CLUL1: variants seen among roughly 807,000 people sequenced by gnomAD.
The protein encoded by CLUL1 is clusterin-like protein 1.
CLUL1 carries 43 observed loss-of-function variants against 49.4 expected under a neutral mutation model. That is an observed-to-expected ratio of 0.87 (90% CI 0.68 to 1.12). The LOEUF is 1.12. CLUL1 is among the 50% of genes most tolerant of loss of function. The probability of loss-of-function intolerance (pLI) is 0.00; values close to 1 mark genes in which losing one functional copy is unlikely to be tolerated. For missense variants in CLUL1, 486 were observed against 544.4 expected, an observed-to-expected ratio of 0.89 and a Z score of 1.07; for synonymous variants, 192 against 184.9, an observed-to-expected ratio of 1.04 and a Z score of -0.31.
chr18:604,583 G>A (rs2072919201), intron 1 of CLUL1, among the ~76,000 whole-genome samples: 1 of 152,080 alleles, frequency 6.6e-6, no homozygotes, highest in African/African-American at 2.4e-5. Flanking sequence ...TAACCAAATA[G>A]TATCCTTTTC....
At chr18:644,748 A>G (rs1050103741) in intron 8 of CLUL1, among the ~76,000 whole-genome samples, 162 bp from the exon 9 acceptor site, 5 of 152,242 alleles carry the variant, frequency 3.3e-5, no homozygotes, top group Non-Finnish European at 7.3e-5. Context: ...GACACATAAC[A>G]TGAACAAGAA....
chr18:608,855 A>G lies in CLUL1; in HGVS notation c.-14+1756A>G, dbSNP rs141154661. Among the ~76,000 whole-genome samples, 354 of 152,356 alleles carry G rather than the reference A, an allele frequency of 2.3e-3. 2 individuals are homozygous for G. Among genetic ancestry groups the G allele is most frequent in the Middle Eastern group, 0.01 (3 of 294 alleles). ...GAGTTTTCATAAGGCCTGTTGATCTATTTATAAGACATGCATATAATTTAC... is the reference window on the plus strand; with the variant it reads ...GAGTTTTCATAAGGCCTGTTGATCTGTTTATAAGACATGCATATAATTTAC... On this transcript the variant is annotated intron_variant, in intron 2 of 9. Coordinates refer to ENST00000692774, the MANE Select transcript of CLUL1 (RefSeq NM_001393344.1).
At chr18:605,992 T>C (rs1238947390) in intron 1 of CLUL1, among the ~76,000 whole-genome samples, 2 of 152,130 alleles carry the variant, frequency 1.3e-5, no homozygotes, top group Non-Finnish European at 2.9e-5. Flanking sequence ...TCTTTTCTTT[T>C]TTATTCTATG....
chr18:626,030 C>T (rs1244153936), intron 5 of CLUL1, among the ~76,000 whole-genome samples: 2 of 152,124 alleles, frequency 1.3e-5, no homozygotes, highest in Admixed American at 6.5e-5. Flanking sequence ...TTTCTTGGGG[C>T]TTTAAAGGTT....
At chr18:625,422 T>C (rs966774950) in intron 5 of CLUL1, among the ~76,000 whole-genome samples, 2 of 152,050 alleles carry the variant, frequency 1.3e-5, no homozygotes, top group Non-Finnish European at 2.9e-5. Context: ...GTCTCTGATT[T>C]CAATCCACAT....
chr18:639,562 C>T (rs889311645), intron 7 of CLUL1, among the ~76,000 whole-genome samples: 2 of 151,694 alleles, frequency 1.3e-5, no homozygotes, highest in Non-Finnish European at 2.9e-5. Flanking sequence ...GCCAGGAGTT[C>T]GAGACCAGCC....
At chr18:619,499 T>A in intron 4 of CLUL1, 138 bp downstream of exon 4, 1 of 829,400 alleles carries the variant, frequency 1.2e-6, no homozygotes, top group Non-Finnish European at 1.8e-6. Flanking sequence ...AGGAAAAGTT[T>A]AAGGGAAGCT....
chr18:634,177 C>T (rs2074073933), intron 7 of CLUL1, among the ~76,000 whole-genome samples: 1 of 152,120 alleles, frequency 6.6e-6, no homozygotes, highest in Non-Finnish European at 1.5e-5. Context: ...CTCTGTTGCC[C>T]AGGCTGGAGT....
intron 8 of CLUL1, among the ~76,000 whole-genome samples, chr18:641,923 TG>T (rs2074355442): frequency 6.6e-6 from 1 of 152,158 alleles, no homozygotes; most frequent in South Asian, 2.1e-4. Flanking sequence ...TGAGTAAGCT[TG>T]GGAAAGTACC....
rs192392752 is a variant in CLUL1 at position 638,006 on chromosome 18, A to T, written c.995-3321A>T. 2.4e-3 allele frequency among the ~76,000 whole-genome samples: 363 copies of T among 152,222 alleles called. 1 individual carries two copies. The highest frequency in any genetic ancestry group is 7.4e-3 in the African/African-American group (306 of 41,548). ...AATAATAAACAGATAAATAAAATTT[A>T]AAAAAATAAAAAAGGAGTGCTCTCT... On this transcript the variant is annotated intron_variant, in intron 7 of 9. Coordinates refer to ENST00000692774, the MANE Select transcript of CLUL1 (RefSeq NM_001393344.1).
intron 4 of CLUL1, among the ~76,000 whole-genome samples, chr18:621,101 A>G (rs1351786010): frequency 1.3e-5 from 2 of 152,196 alleles, no homozygotes; most frequent in Admixed American, 1.3e-4. Context: ...CTGTTGTGCA[A>G]CCAATCTCCA....
At chr18:633,243 T>C (rs1387662862) in intron 6 of CLUL1, 55 bp from the exon 7 acceptor site, 4 of 1,497,802 alleles carry the variant, frequency 2.7e-6, no homozygotes, top group Non-Finnish European at 9.0e-7. Flanking sequence ...TGTCTCCACT[T>C]CTTCAAAGTG....
chr18:646,493 GATAGACACACACACACAC>G (rs1186541720), intron 9 of CLUL1, among the ~76,000 whole-genome samples: 4 of 104,412 alleles, frequency 3.8e-5, no homozygotes, highest in African/African-American at 1.0e-4. Context: ...AAGACAGATA[GATAGACACACACACACAC>G]ACACACACAC....
chr18:631,672 C>A (rs1031929365), intron 6 of CLUL1, among the ~76,000 whole-genome samples: 1 of 152,030 alleles, frequency 6.6e-6, no homozygotes, highest in African/African-American at 2.4e-5. Flanking sequence ...TATGACACAG[C>A]CTCTGACTTC....
intron 2 of CLUL1, chr18:616,786 G>A: frequency 1.5e-6 from 1 of 651,870 alleles, no homozygotes; most frequent in Non-Finnish European, 1.9e-6. Flanking sequence ...ATATTAATAA[G>A]TTTTGTTTTG....
At chr18:622,878 A>G (rs1054044801) in intron 4 of CLUL1, among the ~76,000 whole-genome samples, 5 of 152,190 alleles carry the variant, frequency 3.3e-5, no homozygotes, top group African/African-American at 1.2e-4. Context: ...ACTAAGGCTT[A>G]TATGTATTAA....
In CLUL1 at chr18:645,792, T is replaced by TAAAAAAAAAAAAAAA. The variant is rs869103727; in HGVS notation, c.1397+700_1397+714dup. ...CTGGGCGACAGAGCGAGACTCTGTTTAAAAAAAAAAAAAAAAAAATATATA... is the reference window on the plus strand; with the variant it reads ...CTGGGCGACAGAGCGAGACTCTGTTTAAAAAAAAAAAAAAAAAAAAAAAAAAAAAAAAAATATATA... On this transcript the variant is annotated intron_variant, in intron 9 of 9. Coordinates refer to ENST00000692774, the MANE Select transcript of CLUL1 (RefSeq NM_001393344.1). 2.5e-4 allele frequency among the ~76,000 whole-genome samples: 4 copies of TAAAAAAAAAAAAAAA among 16,086 alleles called. 2 individuals are homozygous for TAAAAAAAAAAAAAAA. Among genetic ancestry groups the TAAAAAAAAAAAAAAA allele is most frequent in the African/African-American group, 1.0e-3 (4 of 3,910 alleles). The allele number at this position is 16,086 out of a possible 152,430, so 10.6% of individuals were successfully genotyped here. A position where few individuals can be genotyped will look rare whatever the true frequency, so the allele number is the denominator to read the frequency against.
At chr18:645,935 G>T (rs1300117001) in intron 9 of CLUL1, among the ~76,000 whole-genome samples, 2 of 139,916 alleles carry the variant, frequency 1.4e-5, no homozygotes, top group African/African-American at 2.6e-5. Flanking sequence ...TTTATGAAAC[G>T]TTAAAAATAT....
Position 619,568 on chromosome 18 carries a change from G to A in CLUL1, c.255+207G>A, listed in dbSNP as rs541592948. ...ATAGGCTTCTGCAAGACTCCAACCC[G>A]GAATCTGGGGGATTCATCTCTGTTT... is the stretch of plus-strand genomic sequence containing the variant. On this transcript the variant is annotated intron_variant, in intron 4 of 9. Transcript: ENST00000692774. Among the ~76,000 whole-genome samples the A allele has an allele frequency of 3.8e-4, 58 of 152,072 alleles. 1 individual carries two copies. The highest frequency in any genetic ancestry group is 6.6e-4 in the Non-Finnish European group (45 of 67,984).
Sources: gnomAD v4.1 joint callset for allele counts (sites outside exome capture counted in the v4.1 genomes callset) on GRCh38, gnomAD v4.1.1 for gene constraint, MANE v1.5 for transcripts, NCBI Gene and HGNC (gene_info 2026-07-23, HGNC 2026-07-21) for gene names.